Variants in SLC2A2 observed in about 807,000 individuals in gnomAD.
SLC2A2 encodes solute carrier family 2 member 2, also known as solute carrier family 2, facilitated glucose transporter member 2.
In SLC2A2, 36 loss-of-function variants were observed where a neutral mutation model predicts 54.5. The ratio of observed to expected loss-of-function variants is 0.66; its 90% CI spans 0.51 to 0.87. The LOEUF is 0.87. Among genes scored for constraint, SLC2A2 ranks in the 40% least tolerant of loss-of-function variants. The pLI, the probability that SLC2A2 is intolerant of heterozygous loss-of-function variation, is 0.00. For missense variants in SLC2A2, 543 were observed against 624.3 expected, an observed-to-expected ratio of 0.87 and a Z score of 1.39; for synonymous variants, 223 against 219.1, an observed-to-expected ratio of 1.02 and a Z score of -0.16.
intron 1 of SLC2A2, among the ~76,000 whole-genome samples, chr3:171,025,688 T>C (rs1312546569): frequency 6.6e-6 from 1 of 152,128 alleles, no homozygotes; most frequent in African/African-American, 2.4e-5. Flanking sequence ...TCTAATGACA[T>C]GAAGGAATGT....
chr3:171,021,806 C>G (rs1032226932), intron 1 of SLC2A2, among the ~76,000 whole-genome samples: 2 of 152,306 alleles, frequency 1.3e-5, no homozygotes, highest in Admixed American at 1.3e-4. Context: ...AGGGCCATTC[C>G]CAGCTCTAGA....
rs772619265 is a variant in SLC2A2 at position 171,005,377 on chromosome 3, T to C, written c.871A>G (p.Ile291Val). The C allele has an allele frequency of 1.2e-6, 2 of 1,612,650 alleles. No homozygotes were observed. Among genetic ancestry groups the C allele is most frequent in the Non-Finnish European group, 8.5e-7 (1 of 1,178,980 alleles). Residue 291 changes from isoleucine to valine, a missense_variant, in exon 7 of 11, where the codon ATA (isoleucine) becomes GTA (valine). Transcript: ENST00000314251. ...CTGGAATTGGTGAAGAGCTGAATTA[T>C]AGAGACTTTCTGCTCACTCGATGCT... ...EEASSEQKVS[I>V]IQLFTNSSYR...
chr3:171,021,432 T>G (rs1293785250), intron 1 of SLC2A2, among the ~76,000 whole-genome samples: 1 of 152,236 alleles, frequency 6.6e-6, no homozygotes, highest in Non-Finnish European at 1.5e-5. Context: ...TAAATTAGTT[T>G]TCTATTGCTG....
At position 171,004,757 on chromosome 3, in the gene SLC2A2, C is replaced by T. The variant is rs148776157; in HGVS notation, c.963+528G>A. Among the ~76,000 whole-genome samples the T allele has an allele frequency of 3.2e-3, 492 of 151,994 alleles. 5 individuals are homozygous for T. The highest frequency in any genetic ancestry group is 0.011 in the African/African-American group (469 of 41,494). On this transcript the variant is annotated intron_variant, in intron 7 of 10. Transcript: ENST00000314251. The stretch of plus-strand genomic sequence containing the variant: ...TGTTTTTCAATCATGTATTGTCTAC[C>T]GTCCTTAGTCAACAATATCATGCCA...
In SLC2A2 at chr3:171,010,018, T is replaced by C; in HGVS notation, c.436A>G (p.Lys146Glu). 1 of 1,612,792 alleles carries C rather than the reference T, an allele frequency of 6.2e-7. No homozygotes were observed. Among genetic ancestry groups the C allele is most frequent in the Non-Finnish European group, 8.5e-7 (1 of 1,179,350 alleles). ...ATAAGTATATGAGATGGTCCCAATT[T>C]TGAAAACCCCATCAAGAGAGCTCCA... ...LVGALLMGFSKLGPSHILIIA... is the reference protein window; with the variant it reads ...LVGALLMGFSELGPSHILIIA... Residue 146 changes from lysine to glutamate, a missense_variant, in exon 4 of 11, where the codon AAA (lysine) becomes GAA (glutamate). This residue lies in a region of SLC2A2 where 318 missense variants were observed against 343.8 expected (regional missense o/e 0.93). Coordinates refer to ENST00000314251, the MANE Select transcript of SLC2A2 (RefSeq NM_000340.2).
At chr3:171,022,326 A>G (rs1163468546) in intron 1 of SLC2A2, among the ~76,000 whole-genome samples, 2 of 152,252 alleles carry the variant, frequency 1.3e-5, no homozygotes, top group Non-Finnish European at 2.9e-5. Flanking sequence ...TATAAATTAA[A>G]AAAGCTAAGA....
intron 1 of SLC2A2, among the ~76,000 whole-genome samples, chr3:171,019,745 C>T (rs781396799): frequency 7.2e-5 from 11 of 151,886 alleles, no homozygotes; most frequent in Non-Finnish European, 1.2e-4. Context: ...TTTTAAGTGG[C>T]GAAGGAAGTT....
chr3:171,012,749 C>T (rs896773757), intron 3 of SLC2A2, among the ~76,000 whole-genome samples: 2 of 152,036 alleles, frequency 1.3e-5, no homozygotes, highest in Non-Finnish European at 2.9e-5. Flanking sequence ...ATACTGATAA[C>T]TTTGTCTTAA....
In SLC2A2 at chr3:171,014,476, G is replaced by T; in HGVS notation, c.364C>A (p.Leu122Ile). 6.2e-7 allele frequency: 1 copy of T among 1,614,102 alleles called. No homozygotes were observed. The highest frequency in any genetic ancestry group is 8.5e-7 in the Non-Finnish European group (1 of 1,179,978). Residue 122 changes from leucine (L) to isoleucine (I), a missense_variant, in exon 3 of 11, where the codon CTT becomes ATT. This residue lies in a region of SLC2A2 where 318 missense variants were observed against 343.8 expected (regional missense o/e 0.93). Transcript: ENST00000314251. ...SFFGGWLGDT[L>I]GRIKAMLVAN... ...TTTATGAAATTTGCCTACCTTCCAA[G>T]TGTGTCCCCAAGCCACCCACCAAAG...
Position 170,997,665 on chromosome 3 carries a change from T to A in SLC2A2, c.*238A>T. On this transcript the variant is annotated 3_prime_UTR_variant, in exon 11 of 11. Transcript: ENST00000314251. The stretch of plus-strand genomic sequence containing the variant: ...AAAAATATTAGAACCACCTGCCCTT[T>A]AGTGTAACAAAATAAACTAGCCTTT... The A allele has an allele frequency of 7.8e-6, 4 of 510,776 alleles. No homozygotes were observed. In the South Asian group the frequency reaches 9.5e-5, roughly 12 times the overall value. 31.6% of individuals were successfully genotyped at this position (510,776 alleles called of 1,614,324 possible).
At chr3:171,002,334 A>G (rs747909569) in intron 8 of SLC2A2, among the ~76,000 whole-genome samples, 4 of 151,966 alleles carry the variant, frequency 2.6e-5, no homozygotes, top group Non-Finnish European at 4.4e-5. Flanking sequence ...AAAATTCACA[A>G]ATGAGTGACT....
At chr3:171,010,986 G>C (rs1402322584) in intron 3 of SLC2A2, among the ~76,000 whole-genome samples, 1 of 152,094 alleles carries the variant, frequency 6.6e-6, no homozygotes, top group African/African-American at 2.4e-5. Context: ...GTGTGAAAAT[G>C]TTTGTGCCAA....
At chr3:171,007,336 C>G in intron 4 of SLC2A2, 73 bp from the exon 5 acceptor site, 1 of 868,596 alleles carries the variant, frequency 1.2e-6, no homozygotes, top group South Asian at 1.4e-5. Context: ...GGTTTAAGTA[C>G]AGTATATATC....
chr3:171,005,623 C>T, intron 6 of SLC2A2, 151 bp from the exon 7 acceptor site: 3 of 685,956 alleles, frequency 4.4e-6, no homozygotes, highest in East Asian at 5.4e-5. Context: ...AAATTAGATC[C>T]TGCTCTTTGA....
chr3:171,017,518 AGAGGAAATATAATGGAC>A (rs1344212016), intron 2 of SLC2A2, among the ~76,000 whole-genome samples: 3 of 152,228 alleles, frequency 2.0e-5, no homozygotes, highest in Admixed American at 1.3e-4. Flanking sequence ...TAAAAGAAGC[AGAGGAAATATAATGGAC>A]TTACAGAAGG....
chr3:171,002,435 T>G (rs1024997151), intron 8 of SLC2A2, 141 bp downstream of exon 8: 2 of 690,552 alleles, frequency 2.9e-6, no homozygotes, highest in African/African-American at 3.5e-5. Context: ...ACAGGACTCT[T>G]CTCATGACTC....
chr3:171,019,751 A>C (rs992706707), intron 1 of SLC2A2, among the ~76,000 whole-genome samples: 1 of 152,192 alleles, frequency 6.6e-6, no homozygotes, highest in Non-Finnish European at 1.5e-5. Context: ...GTGGCGAAGG[A>C]AGTTATGTAA....
chr3:171,021,043 T>C (rs1716440464), intron 1 of SLC2A2, among the ~76,000 whole-genome samples: 1 of 152,058 alleles, frequency 6.6e-6, no homozygotes, highest in South Asian at 2.1e-4. Flanking sequence ...ACACACTATA[T>C]GATATATGGT....
At chr3:171,020,522 A>G (rs1255638380) in intron 1 of SLC2A2, among the ~76,000 whole-genome samples, 1 of 152,174 alleles carries the variant, frequency 6.6e-6, no homozygotes, top group Non-Finnish European at 1.5e-5. Flanking sequence ...ACATGGTTAT[A>G]TGATACATAT....
Sources: allele counts gnomAD v4.1 joint callset (sites outside exome capture counted in the v4.1 genomes callset), GRCh38; gene constraint gnomAD v4.1.1; regional missense constraint gnomAD v4.1.1; transcripts MANE v1.5; gene names NCBI Gene and HGNC (gene_info 2026-07-23, HGNC 2026-07-21).